The following OPCML variants were observed in gnomAD, a reference collection of about 807,000 sequenced individuals.
OPCML encodes opioid binding protein/cell adhesion molecule like, also known as opioid-binding protein/cell adhesion molecule.
OPCML carries 13 observed loss-of-function variants against 37.8 expected under a neutral mutation model. That is an observed-to-expected ratio of 0.34 (90% confidence interval 0.22 to 0.55). The LOEUF (loss-of-function observed/expected upper bound fraction) is 0.55. OPCML is among the 20% of genes least tolerant of loss of function. The pLI is 0.91. For missense variants in OPCML, 341 were observed against 435.6 expected (o/e 0.78, Z 1.93); for synonymous variants, 176 against 168.8 (o/e 1.04, Z -0.33).
intron 1 of OPCML, among the ~76,000 whole-genome samples, chr11:133,113,005 CT>C (rs1216636636): frequency 6.6e-6 from 1 of 152,220 alleles, no homozygotes; most frequent in Non-Finnish European, 1.5e-5. Context: ...TGCAATTTAT[CT>C]GCAATTACAG....
intron 1 of OPCML, among the ~76,000 whole-genome samples, chr11:132,974,003 C>T (rs1013326367): frequency 2.0e-5 from 3 of 152,130 alleles, no homozygotes; most frequent in African/African-American, 7.2e-5. Flanking sequence ...ACAGACCTAT[C>T]TACACGTGGG....
chr11:132,597,054 C>T (rs1016792850), intron 3 of OPCML, among the ~76,000 whole-genome samples: 4 of 152,186 alleles, frequency 2.6e-5, no homozygotes, highest in African/African-American at 9.6e-5. Context: ...TATTGAGACA[C>T]TATCCTTTTG....
chr11:133,465,238 T>C (rs1271129234), intron 1 of OPCML, among the ~76,000 whole-genome samples: 2 of 152,158 alleles, frequency 1.3e-5, no homozygotes, highest in Non-Finnish European at 2.9e-5. Context: ...CACTGCAAAC[T>C]CTGCTTCTGT....
At chr11:132,425,752 C>T (rs949367807) in intron 7 of OPCML, among the ~76,000 whole-genome samples, 4 of 152,186 alleles carry the variant, frequency 2.6e-5, no homozygotes, top group Non-Finnish European at 5.9e-5. Context: ...AATTGGGTGA[C>T]CTTCTCCCTT....
chr11:132,931,461 C>T (rs1014101290), intron 2 of OPCML, among the ~76,000 whole-genome samples: 6 of 152,052 alleles, frequency 3.9e-5, no homozygotes, highest in African/African-American at 9.7e-5. Flanking sequence ...AAACTACAAA[C>T]GTTGAAAAAC....
intron 2 of OPCML, among the ~76,000 whole-genome samples, chr11:132,722,598 A>C (rs1245393908): frequency 6.6e-6 from 1 of 152,110 alleles, no homozygotes; most frequent in Non-Finnish European, 1.5e-5. Flanking sequence ...GTTTCTAGGG[A>C]GGAGCTCACT....
At chr11:133,145,732 C>T (rs1164407543) in intron 1 of OPCML, among the ~76,000 whole-genome samples, 8 of 152,092 alleles carry the variant, frequency 5.3e-5, no homozygotes, top group Non-Finnish European at 4.4e-5. Flanking sequence ...GCCATGAGGC[C>T]CTGAGCTGGT....
chr11:133,012,671 TTC>T (rs1485218549), intron 1 of OPCML, among the ~76,000 whole-genome samples: 1 of 150,652 alleles, frequency 6.6e-6, no homozygotes, highest in Admixed American at 6.6e-5. Context: ...AGGTCAGGAG[TTC>T]AAGACCAGCC....
chr11:133,383,534 C>T (rs1592252112), intron 1 of OPCML, among the ~76,000 whole-genome samples: 1 of 152,302 alleles, frequency 6.6e-6, no homozygotes, highest in East Asian at 1.9e-4. Context: ...CTGCCACATA[C>T]TTCTCTGTAT....
intron 2 of OPCML, among the ~76,000 whole-genome samples, chr11:132,698,080 T>A (rs980819007): frequency 6.6e-6 from 1 of 151,698 alleles, no homozygotes; most frequent in Non-Finnish European, 1.5e-5. Flanking sequence ...TCCTTCTGTA[T>A]CAGCCTCCCG....
At chr11:133,298,456 A>G (rs1205591811) in intron 1 of OPCML, 1 of 152,210 alleles carries the variant, frequency 6.6e-6, no homozygotes, top group Non-Finnish European at 1.5e-5. Context: ...AAAACTCCAT[A>G]CAAGTAGTTG....
At chr11:132,462,286 A>G (rs2136915921) in intron 4 of OPCML, among the ~76,000 whole-genome samples, 1 of 152,240 alleles carries the variant, frequency 6.6e-6, no homozygotes, top group African/African-American at 2.4e-5. Flanking sequence ...TGACTGTGTA[A>G]GAGAAGAAAA....
At chr11:133,418,401 A>G (rs534538769) in intron 1 of OPCML, 1 of 985,314 alleles carries the variant, frequency 1.0e-6, no homozygotes, top group African/African-American at 1.7e-5. Context: ...TAGATTGGTG[A>G]TTGATTGGTG....
At chr11:133,046,629 C>A (rs1430680360) in intron 1 of OPCML, among the ~76,000 whole-genome samples, 1 of 152,196 alleles carries the variant, frequency 6.6e-6, no homozygotes, top group Non-Finnish European at 1.5e-5. Flanking sequence ...TTCCTCCCTG[C>A]ATAGCCCCTG....
At chr11:133,490,809 C>T (rs762332418) in intron 1 of OPCML, among the ~76,000 whole-genome samples, 8 of 152,174 alleles carry the variant, frequency 5.3e-5, no homozygotes, top group Non-Finnish European at 1.2e-4. Context: ...TCATGGCTTG[C>T]TATCTCATCC....
At position 133,093,111 on chromosome 11, in the gene OPCML, G is replaced by A. The variant is rs185425601; in HGVS notation, c.62-150101C>T. ...TTCAATAGGTTTTTGATGAACAGGG[G>A]TATTTGGTTACATGAATAAGTTCTT... On this transcript the variant is annotated intron_variant, in intron 1 of 7. Coordinates refer to ENST00000524381, the MANE Select transcript of OPCML (RefSeq NM_001012393.5). Among the ~76,000 whole-genome samples the A allele has an allele frequency of 1.2e-3, 180 of 152,060 alleles. 1 individual carries two copies. The highest frequency in any genetic ancestry group is 2.1e-3 in the Non-Finnish European group (144 of 67,986).
Position 133,091,227 on chromosome 11 carries a change from G to A in OPCML, c.62-148217C>T, listed in dbSNP as rs563588114. On this transcript the variant is annotated intron_variant, in intron 1 of 7. Transcript: ENST00000524381. Reference sequence around the variant, plus strand: ...AATTCTGCAGGTGTGTAGAGTTCACGAGCTGTGAGGGCATGGATGCTTTTA... The same window carrying A: ...AATTCTGCAGGTGTGTAGAGTTCACAAGCTGTGAGGGCATGGATGCTTTTA... 3.4e-4 allele frequency among the ~76,000 whole-genome samples: 52 copies of A among 152,280 alleles called. 2 individuals are homozygous for A. In the South Asian group the frequency reaches 9.7e-3, roughly 29 times the overall value.
chr11:132,430,429 G>A (rs1403025616), intron 7 of OPCML, among the ~76,000 whole-genome samples: 1 of 152,184 alleles, frequency 6.6e-6, no homozygotes, highest in Non-Finnish European at 1.5e-5. Flanking sequence ...AGGAAGTCCG[G>A]CTCAGAGAGC....
chr11:133,413,449 G>C (rs1482873222), intron 1 of OPCML, among the ~76,000 whole-genome samples: 2 of 151,502 alleles, frequency 1.3e-5, no homozygotes, highest in African/African-American at 4.9e-5. Flanking sequence ...TGCACATTGT[G>C]CACATGTACC....
Sources: allele counts gnomAD v4.1 joint callset (sites outside exome capture counted in the v4.1 genomes callset), GRCh38; gene constraint gnomAD v4.1.1; transcripts MANE v1.5; gene names NCBI Gene and HGNC (gene_info 2026-07-23, HGNC 2026-07-21).